Variants in TIAM1 observed in about 807,000 individuals in gnomAD.
TIAM1 encodes the protein TIAM Rac1 associated GEF 1, also known as rho guanine nucleotide exchange factor TIAM1.
Under a neutral mutation model 163.5 loss-of-function variants are expected in TIAM1, and 65 were observed. The observed-to-expected ratio is 0.40, with a 90% CI of 0.33 to 0.49. The LOEUF (loss-of-function observed/expected upper bound fraction) is 0.49. TIAM1 is among the 20% of genes least tolerant of loss of function. The probability of loss-of-function intolerance (pLI) is 0.77; values close to 1 mark genes in which losing one functional copy is unlikely to be tolerated. For synonymous variants in TIAM1, 833 were observed against 810.1 expected, an observed-to-expected ratio of 1.03 and a Z score of -0.48; for missense variants, 1,789 against 2,044.7, an observed-to-expected ratio of 0.87 and a Z score of 2.41.
chr21:31,451,714 T>TGCGC (rs1479643171), intron 2 of TIAM1, among the ~76,000 whole-genome samples: 1 of 60,606 alleles, frequency 1.7e-5, no homozygotes, highest in Non-Finnish European at 3.6e-5. Context: ...AAAGCATGTG[T>TGCGC]GTGCGTGTGT....
chr21:31,288,303 C>G (rs922297387), intron 2 of TIAM1, among the ~76,000 whole-genome samples: 1 of 152,116 alleles, frequency 6.6e-6, no homozygotes, highest in Non-Finnish European at 1.5e-5. Context: ...GCTGCTATAA[C>G]AAAATACCTT....
At chr21:31,309,241 T>C (rs189111162) in intron 2 of TIAM1, among the ~76,000 whole-genome samples, 391 of 152,320 alleles carry the variant, frequency 2.6e-3, no homozygotes, top group African/African-American at 9.0e-3. Context: ...ACAAATCACC[T>C]GTGGTCAAGA....
chr21:31,357,348 T>C (rs574635090), intron 2 of TIAM1, among the ~76,000 whole-genome samples: 4 of 152,332 alleles, frequency 2.6e-5, no homozygotes, highest in African/African-American at 7.2e-5. Flanking sequence ...GACCTTTTGT[T>C]CTACTTCTCT....
intron 1 of TIAM1, among the ~76,000 whole-genome samples, chr21:31,550,998 G>A (rs1186406508): frequency 1.3e-5 from 2 of 151,986 alleles, no homozygotes; most frequent in Non-Finnish European, 2.9e-5. Flanking sequence ...GGATCATGAG[G>A]TCAGGAGTTC....
At chr21:31,540,460 C>T (rs1272850792) in intron 1 of TIAM1, among the ~76,000 whole-genome samples, 1 of 151,908 alleles carries the variant, frequency 6.6e-6, no homozygotes, top group Non-Finnish European at 1.5e-5. Context: ...TTCAAGTGGC[C>T]GGAAGAGGTG....
At chr21:31,481,932 T>C (rs2046120720) in intron 1 of TIAM1, among the ~76,000 whole-genome samples, 3 of 151,968 alleles carry the variant, frequency 2.0e-5, no homozygotes, top group Non-Finnish European at 4.4e-5. Flanking sequence ...AATCACATGG[T>C]TTGGTCTTTC....
chr21:31,187,627 TCA>T (rs1186008661), intron 13 of TIAM1, among the ~76,000 whole-genome samples: 1 of 152,168 alleles, frequency 6.6e-6, no homozygotes, highest in African/African-American at 2.4e-5. Context: ...GTACCTGATT[TCA>T]CACTCTAGCA....
chr21:31,272,308 C>A (rs1398634394), intron 3 of TIAM1, among the ~76,000 whole-genome samples: 2 of 152,042 alleles, frequency 1.3e-5, no homozygotes, highest in African/African-American at 4.8e-5. Context: ...AGTCAAACCA[C>A]CCTAAGTTGG....
At chr21:31,162,672 C>G (rs894154155) in intron 16 of TIAM1, among the ~76,000 whole-genome samples, 3 of 150,218 alleles carry the variant, frequency 2.0e-5, no homozygotes, top group African/African-American at 4.9e-5. Flanking sequence ...GATGGAGTCC[C>G]ACACTGTCTC....
chr21:31,301,918 T>C (rs2074520818), intron 2 of TIAM1, among the ~76,000 whole-genome samples: 1 of 149,264 alleles, frequency 6.7e-6, no homozygotes. Context: ...TATATACGTG[T>C]AATAAATAAA....
chr21:31,522,495 A>G (rs544645701), intron 1 of TIAM1, among the ~76,000 whole-genome samples: 64 of 151,526 alleles, frequency 4.2e-4, no homozygotes, highest in African/African-American at 1.4e-3. Flanking sequence ...GGGCAAGAAG[A>G]GTGAAACTCC....
intron 2 of TIAM1, among the ~76,000 whole-genome samples, chr21:31,334,079 A>G (rs565264226): frequency 6.6e-6 from 1 of 152,344 alleles, no homozygotes; most frequent in East Asian, 1.9e-4. Flanking sequence ...GCTTATGGCT[A>G]TAGGCTTTTC....
In TIAM1 at chr21:31,154,311, G is replaced by A. The variant is rs2083513077; in HGVS notation, c.3107C>T (p.Ser1036Leu). ...CACCTTGCGCAGCTTATCTGCATCC[G>A]AGAGTTGTCTCATGGTCGCCAGCTG... Reference protein sequence around the residue: ...GPQLATMRQLSDADKLRKVIC... With the variant: ...GPQLATMRQLLDADKLRKVIC... The change falls in exon 17 of 28, where the codon TCG becomes TTG. Residue 1036 changes from serine (S) to leucine (L), a missense_variant. Physicochemically the swap from Ser to Leu is moderately radical, Grantham distance 145. Around this residue, in one of 5 missense-constraint regions of TIAM1, gnomAD observed 303 missense variants for 321.3 expected, o/e 0.94. Coordinates refer to ENST00000541036, the MANE Select transcript of TIAM1 (RefSeq NM_001353694.2). 13 of 1,614,162 alleles carry A rather than the reference G, an allele frequency of 8.1e-6. No individual in the cohort carries two copies. The highest frequency in any genetic ancestry group is 1.1e-5 in the Non-Finnish European group (13 of 1,180,026).
intron 5 of TIAM1, among the ~76,000 whole-genome samples, chr21:31,249,007 A>C (rs1601698965): frequency 6.6e-6 from 1 of 152,322 alleles, no homozygotes; most frequent in South Asian, 2.1e-4. Context: ...TATGCCACTA[A>C]CATTGCTGCT....
At chr21:31,432,624 C>T (rs980975839) in intron 2 of TIAM1, among the ~76,000 whole-genome samples, 25 of 152,238 alleles carry the variant, frequency 1.6e-4, no homozygotes, top group African/African-American at 5.3e-4. Context: ...TGGAAAGATG[C>T]GGCAACATGC....
At chr21:31,304,883 G>A (rs1757113255) in intron 2 of TIAM1, among the ~76,000 whole-genome samples, 1 of 152,000 alleles carries the variant, frequency 6.6e-6, no homozygotes, top group African/African-American at 2.4e-5. Flanking sequence ...AGTAGAGATG[G>A]GTTTTCACCA....
chr21:31,262,217 GC>G (rs1272527509), intron 4 of TIAM1, among the ~76,000 whole-genome samples: 2 of 152,136 alleles, frequency 1.3e-5, no homozygotes, highest in Non-Finnish European at 2.9e-5. Context: ...AGAATCTCCA[GC>G]CTCATTTAAG....
At chr21:31,452,561 A>T (rs1569344016) in intron 2 of TIAM1, 1 of 603,028 alleles carries the variant, frequency 1.7e-6, no homozygotes, top group Non-Finnish European at 3.0e-6. Flanking sequence ...CACCTTCGTC[A>T]CACAAACTCT....
chr21:31,470,936 G>A (rs967174278), intron 1 of TIAM1, among the ~76,000 whole-genome samples: 7 of 152,126 alleles, frequency 4.6e-5, no homozygotes, highest in African/African-American at 1.4e-4. Context: ...ACCCACCCCC[G>A]AGGGGGCAGC....
Sources: allele counts gnomAD v4.1 joint callset (sites outside exome capture counted in the v4.1 genomes callset), GRCh38; gene constraint gnomAD v4.1.1; regional missense constraint gnomAD v4.1.1; transcripts MANE v1.5; gene names NCBI Gene and HGNC (gene_info 2026-07-23, HGNC 2026-07-21).